Variants in MCMBP observed in about 807,000 individuals in gnomAD.
The protein encoded by MCMBP is mini-chromosome maintenance complex-binding protein.
A neutral mutation model predicts 81.3 loss-of-function variants in MCMBP; 31 were observed. The observed-to-expected ratio is 0.38, with a 90% CI of 0.29 to 0.51. MCMBP has a LOEUF of 0.51. MCMBP is among the 20% of genes least tolerant of loss of function. MCMBP has a pLI of 0.87. For missense variants in MCMBP, 645 were observed against 772.1 expected (o/e 0.84, Z 1.95); for synonymous variants, 267 against 275.9 (o/e 0.97, Z 0.32).
In MCMBP at chr10:119,835,715, AAGG is replaced by A; in HGVS notation, c.1543-14_1543-12del. ...AATCTGGCAGTCTGCCTGAAAAGAG[AAGG>A]AGTACACTGTATTTTCTGAGTTCCT... On this transcript the variant is annotated splice_polypyrimidine_tract_variant and intron_variant, in intron 13 of 15. Coordinates refer to ENST00000369077, the MANE Select transcript of MCMBP (RefSeq NM_001256378.2). 1 of 1,614,022 alleles carries A rather than the reference AAGG, an allele frequency of 6.2e-7. No homozygotes were observed. The highest frequency in any genetic ancestry group is 8.5e-7 in the Non-Finnish European group (1 of 1,179,936).
chr10:119,850,653 G>A (rs1192549758), intron 6 of MCMBP, among the ~76,000 whole-genome samples: 1 of 150,428 alleles, frequency 6.6e-6, no homozygotes, highest in African/African-American at 2.4e-5. Flanking sequence ...GGAGGCTGAG[G>A]CAGGAGAATG....
At chr10:119,849,687 A>G (rs1852740487) in intron 6 of MCMBP, 111 bp from the exon 7 acceptor site, 2 of 984,182 alleles carry the variant, frequency 2.0e-6, no homozygotes, top group East Asian at 2.9e-5. Flanking sequence ...CTGAGCTTGC[A>G]AAGTTCAAGT....
chr10:119,853,256 T>C, intron 5 of MCMBP, 62 bp from the exon 6 acceptor site: 2 of 1,495,438 alleles, frequency 1.3e-6, no homozygotes, highest in East Asian at 4.6e-5. Flanking sequence ...GTTTTGCTAA[T>C]TATATGACTT....
chr10:119,867,111 G>A (rs957339648), intron 1 of MCMBP, among the ~76,000 whole-genome samples: 3 of 151,236 alleles, frequency 2.0e-5, no homozygotes, highest in Non-Finnish European at 2.9e-5. Context: ...TGGCCAACAC[G>A]GTGAAGCCCC....
intron 8 of MCMBP, among the ~76,000 whole-genome samples, chr10:119,844,837 G>A (rs1342209186): frequency 1.3e-5 from 2 of 151,882 alleles, no homozygotes; most frequent in Non-Finnish European, 2.9e-5. Context: ...CAGACTCCAA[G>A]TTCTTCAGCT....
chr10:119,831,645 G>A (rs775812601), intron 15 of MCMBP, 45 bp from the exon 16 acceptor site: 6 of 1,594,678 alleles, frequency 3.8e-6, no homozygotes, highest in Non-Finnish European at 3.4e-6. Flanking sequence ...AGCTGGGATA[G>A]TAAGTTTTAA....
chr10:119,866,582 C>T (rs1853464143), intron 1 of MCMBP, among the ~76,000 whole-genome samples: 1 of 151,840 alleles, frequency 6.6e-6, no homozygotes, highest in Non-Finnish European at 1.5e-5. Flanking sequence ...GCCAAGTTTG[C>T]ACCACTGCAC....
intron 14 of MCMBP, among the ~76,000 whole-genome samples, chr10:119,832,830 T>C (rs1429631749): frequency 1.3e-5 from 2 of 152,178 alleles, no homozygotes; most frequent in African/African-American, 4.8e-5. Context: ...CCTGAGACAC[T>C]GGGTAACAGC....
In MCMBP at chr10:119,842,581, TGAAACTTGAAA is replaced by T; in HGVS notation, c.1004_1014del (p.Val335AspfsTer23). The T allele has an allele frequency of 1.9e-6, 3 of 1,613,062 alleles. No individual in the cohort carries two copies. The highest frequency in any genetic ancestry group is 2.5e-6 in the Non-Finnish European group (3 of 1,179,534). On this transcript the variant is annotated frameshift_variant, in exon 10 of 16. Coordinates refer to ENST00000369077, the MANE Select transcript of MCMBP (RefSeq NM_001256378.2). LOFTEE classifies it high-confidence loss of function. ...GCTCTGACTGGAGACAATTCGGACA[TGAAACTTGAAA>T]CAACTGAAGGAGAAAGGAAGACCTG...
In MCMBP at chr10:119,838,545, C is replaced by A; in HGVS notation, c.1398G>T (p.Leu466=). 6.2e-7 allele frequency: 1 copy of A among 1,613,750 alleles called. No homozygotes were observed. Among genetic ancestry groups the A allele is most frequent in the South Asian group, 1.1e-5 (1 of 91,044 alleles). ...IDETLLEQGQ[L]DTPGVHNVTA... ...CATCTATGTACGTACCTGGGGTATC[C>A]AGCTGCCCCTGTTCCAGGAGAGTCT... is the stretch of plus-strand genomic sequence containing the variant. Residue 466 remains leucine (L), a synonymous_variant, in exon 12 of 16, where the codon CTG becomes CTT. Transcript: ENST00000369077.
chr10:119,832,791 T>C (rs1043590279), intron 14 of MCMBP, among the ~76,000 whole-genome samples: 34 of 152,070 alleles, frequency 2.2e-4, no homozygotes, highest in African/African-American at 6.5e-4. Flanking sequence ...TCAAAAACAA[T>C]CGGAAGAAAT....
At chr10:119,871,456 G>A (rs560809128) in intron 1 of MCMBP, among the ~76,000 whole-genome samples, 1 of 151,942 alleles carries the variant, frequency 6.6e-6, no homozygotes, top group African/African-American at 2.4e-5. Context: ...AATGCCATTA[G>A]TTACAGCCTG....
chr10:119,851,517 C>T (rs180970416), intron 6 of MCMBP, among the ~76,000 whole-genome samples: 83 of 152,192 alleles, frequency 5.5e-4, no homozygotes, highest in African/African-American at 1.9e-3. Context: ...CTGCAACCTC[C>T]GCCCCTCTGG....
intron 1 of MCMBP, among the ~76,000 whole-genome samples, chr10:119,864,426 T>TTATC (rs1004303029): frequency 1.2e-4 from 19 of 152,334 alleles, no homozygotes; most frequent in African/African-American, 4.3e-4. Flanking sequence ...GCTGTTTGTA[T>TTATC]TATCCTTTTC....
At chr10:119,832,756 A>C (rs924195876) in intron 14 of MCMBP, among the ~76,000 whole-genome samples, 1 of 152,132 alleles carries the variant, frequency 6.6e-6, no homozygotes, top group Non-Finnish European at 1.5e-5. Flanking sequence ...TCTACTATGA[A>C]CCACCTCTTT....
chr10:119,846,828 A>G (rs1470014126), intron 8 of MCMBP, among the ~76,000 whole-genome samples: 6 of 152,038 alleles, frequency 3.9e-5, no homozygotes, highest in Admixed American at 2.6e-4. Context: ...GCGGGCCCTC[A>G]CTAGAAACCA....
chr10:119,872,944 C>G (rs1171944883), upstream of MCMBP: 2 of 151,582 alleles, frequency 1.3e-5, no homozygotes, highest in South Asian at 4.2e-4. Flanking sequence ...CTCTGCGCGG[C>G]GAGGAGGAGG....
chr10:119,872,460 G>GGGCCCTGCCCCGGGGCCC (rs1564891754), intron 1 of MCMBP, 67 bp downstream of exon 1: 1 of 988,918 alleles, frequency 1.0e-6, no homozygotes, highest in East Asian at 4.5e-5. Flanking sequence ...CCGCGCGGCG[G>GGGCCCTGCCCCGGGGCCC]GGCCCTGCCC....
chr10:119,868,098 A>G (rs982723650), intron 1 of MCMBP, among the ~76,000 whole-genome samples: 1 of 152,186 alleles, frequency 6.6e-6, no homozygotes, highest in African/African-American at 2.4e-5. Flanking sequence ...TAACGAGAAT[A>G]ATGATCTTGG....
Sources: gnomAD v4.1 joint callset for allele counts (sites outside exome capture counted in the v4.1 genomes callset) on GRCh38, gnomAD v4.1.1 for gene constraint, MANE v1.5 for transcripts, NCBI Gene and HGNC (gene_info 2026-07-23, HGNC 2026-07-21) for gene names.